ATAD5: variants seen among roughly 807,000 people sequenced by gnomAD.
The protein encoded by ATAD5 is ATPase family AAA domain-containing protein 5.
ATAD5 carries 58 observed loss-of-function variants against 176.9 expected under a neutral mutation model. That is an observed-to-expected ratio of 0.33 (90% confidence interval 0.27 to 0.41). The LOEUF is 0.41. Among genes scored for constraint, ATAD5 ranks in the 10% least tolerant of loss-of-function variants. The pLI is 1.00. For synonymous variants in ATAD5, 640 were observed against 712.6 expected (o/e 0.90, Z 1.62); for missense variants, 1,789 against 2,094.1 (o/e 0.85, Z 2.84).
At chr17:30,852,304 T>G (rs1907017142) in intron 6 of ATAD5, among the ~76,000 whole-genome samples, 1 of 152,230 alleles carries the variant, frequency 6.6e-6, no homozygotes, top group Non-Finnish European at 1.5e-5. Context: ...TCATAATTTA[T>G]GGAGCATTTC....
chr17:30,861,012 C>G (rs2142374346), intron 10 of ATAD5, among the ~76,000 whole-genome samples: 1 of 152,016 alleles, frequency 6.6e-6, no homozygotes, highest in South Asian at 2.1e-4. Context: ...ACGGAATTGG[C>G]CAGGCTGGTC....
intron 5 of ATAD5, among the ~76,000 whole-genome samples, chr17:30,844,495 A>G (rs1201520453): frequency 6.6e-6 from 1 of 151,626 alleles, no homozygotes; most frequent in African/African-American, 2.4e-5. Context: ...GTAAAATTTT[A>G]ACTGTATTAT....
At chr17:30,873,418 A>G (rs985989094) in intron 14 of ATAD5, among the ~76,000 whole-genome samples, 4 of 151,304 alleles carry the variant, frequency 2.6e-5, no homozygotes, top group Non-Finnish European at 5.9e-5. Context: ...CCCAGGTTCA[A>G]GTGATTCTCA....
At chr17:30,836,820 G>A (rs932562342) in intron 2 of ATAD5, among the ~76,000 whole-genome samples, 2 of 151,956 alleles carry the variant, frequency 1.3e-5, no homozygotes, top group Non-Finnish European at 2.9e-5. Context: ...TGCCTGCCTC[G>A]GCCTCCCAAA....
At chr17:30,886,327 A>G (rs1342858485) in intron 18 of ATAD5, among the ~76,000 whole-genome samples, 7 of 151,196 alleles carry the variant, frequency 4.6e-5, no homozygotes, top group Admixed American at 1.3e-4. Flanking sequence ...TCATCAGTGA[A>G]TTTATGAGTT....
At chr17:30,848,660 C>G (rs1906680034) in intron 6 of ATAD5, among the ~76,000 whole-genome samples, 1 of 152,188 alleles carries the variant, frequency 6.6e-6, no homozygotes, top group African/African-American at 2.4e-5. Context: ...TTGCCTGCCT[C>G]AGACTTGTCA....
intron 5 of ATAD5, 80 bp from the exon 6 acceptor site, chr17:30,844,747 CAAAAAAAA>C (rs569986111): frequency 1.9e-4 from 65 of 346,938 alleles, no homozygotes; most frequent in African/African-American, 1.2e-3. Flanking sequence ...GACTCCATCT[CAAAAAAAA>C]AAAAAAAAAA....
chr17:30,876,045 G>A (rs1472632769), intron 14 of ATAD5, among the ~76,000 whole-genome samples: 1 of 151,670 alleles, frequency 6.6e-6, no homozygotes, highest in Non-Finnish European at 1.5e-5. Flanking sequence ...GCTGAGGCAG[G>A]AGAATGGCGT....
chr17:30,892,894 A>G, intron 20 of ATAD5, 106 bp downstream of exon 20: 2 of 1,001,052 alleles, frequency 2.0e-6, no homozygotes, highest in East Asian at 5.1e-5. Flanking sequence ...ATGTGCCTAT[A>G]ATTTGTATAA....
intron 4 of ATAD5, among the ~76,000 whole-genome samples, chr17:30,841,170 C>T (rs532612484): frequency 4.6e-5 from 7 of 152,102 alleles, no homozygotes; most frequent in South Asian, 2.1e-4. Flanking sequence ...CCACCATGCC[C>T]GGCCAGTTTT....
chr17:30,842,196 G>A (rs1347401774), intron 4 of ATAD5, among the ~76,000 whole-genome samples: 1 of 152,018 alleles, frequency 6.6e-6, no homozygotes. Flanking sequence ...TTGAACCCGG[G>A]AGGCGGAGGT....
At chr17:30,850,847 ATATATATATATATATATATATATTTTT>A (rs1567683517) in intron 6 of ATAD5, among the ~76,000 whole-genome samples, 12 of 31,396 alleles carry the variant, frequency 3.8e-4, no homozygotes, top group Non-Finnish European at 5.5e-4. Context: ...ATATATATAT[ATATATATATATATATATATATATTTTT>A]TTTTTTTTTT....
At chr17:30,837,424 AT>A in intron 3 of ATAD5, 110 bp downstream of exon 3, 1 of 711,742 alleles carries the variant, frequency 1.4e-6, no homozygotes, top group South Asian at 1.8e-5. Context: ...AAATTCATGT[AT>A]TTCATAAATT....
intron 6 of ATAD5, among the ~76,000 whole-genome samples, chr17:30,847,538 G>A (rs1353045475): frequency 1.3e-5 from 2 of 151,212 alleles, no homozygotes; most frequent in Non-Finnish European, 2.9e-5. Context: ...CACTATGTTG[G>A]CCAGGCTGGT....
At chr17:30,866,462 C>G (rs1294023965) in intron 11 of ATAD5, among the ~76,000 whole-genome samples, 1 of 149,222 alleles carries the variant, frequency 6.7e-6, no homozygotes, top group African/African-American at 2.4e-5. Flanking sequence ...TCCTAAAGTG[C>G]TGGGATTACA....
At position 30,895,782 on chromosome 17, in the gene ATAD5, A is replaced by G. The variant is rs1038007577; in HGVS notation, c.*869A>G. 5.3e-5 allele frequency: 8 copies of G among 151,976 alleles called. No individual in the cohort carries two copies. Among genetic ancestry groups the G allele is most frequent in the African/African-American group, 1.9e-4 (8 of 41,382 alleles). 9.4% of individuals were successfully genotyped at this position (151,976 alleles called of 1,614,324 possible). On this transcript the variant is annotated 3_prime_UTR_variant, in exon 23 of 23. Coordinates refer to ENST00000321990, the MANE Select transcript of ATAD5 (RefSeq NM_024857.5). ...ATGAAGATAGATATTTTTACCTCTT[A>G]TTTGTTCAATTTACTTTTTCTTGTA... is the stretch of plus-strand genomic sequence containing the variant.
At chr17:30,836,592 G>A (rs1056749687) in intron 2 of ATAD5, among the ~76,000 whole-genome samples, 1 of 151,536 alleles carries the variant, frequency 6.6e-6, no homozygotes, top group African/African-American at 2.4e-5. Context: ...TTGAGATGGA[G>A]TCTCACTCAC....
At position 30,879,401 on chromosome 17, in the gene ATAD5, TTG is replaced by T. The variant is rs529546366; in HGVS notation, c.4013-4_4013-3del. ...CTTAGTGTTTAAGAATTTTTTTTTT[TTG>T]TGTGTGTGTGTGTGTGTAGACCCAA... On this transcript the variant is annotated intron_variant, in intron 17 of 22. Coordinates refer to ENST00000321990, the MANE Select transcript of ATAD5 (RefSeq NM_024857.5). 2.4e-3 allele frequency: 3,115 copies of T among 1,306,024 alleles called. 14 individuals carry two copies. Among genetic ancestry groups the T allele is most frequent in the Admixed American group, 6.1e-3 (280 of 46,208 alleles). The allele number at this position is 1,306,024 out of a possible 1,614,324, so 80.9% of individuals were successfully genotyped here.
Position 30,835,372 on chromosome 17 carries a change from GA to G in ATAD5, c.1296del (p.Lys432AsnfsTer6). 6.2e-7 allele frequency: 1 copy of G among 1,611,042 alleles called. No individual in the cohort carries two copies. Among genetic ancestry groups the G allele is most frequent in the Non-Finnish European group, 8.5e-7 (1 of 1,179,124 alleles). ...TTCTGATAAGCAGAAAGACCTTAAT[GA>G]AAAATGTCTATATGAAGTAGGAAGA... ...KSSDKQKDLN[E>X]KCLYEVGRDD... On this transcript the variant is annotated frameshift_variant, in exon 2 of 23. Transcript: ENST00000321990. LOFTEE classifies it high-confidence loss of function.
Sources: allele counts gnomAD v4.1 joint callset (sites outside exome capture counted in the v4.1 genomes callset), GRCh38; gene constraint gnomAD v4.1.1; transcripts MANE v1.5; gene names NCBI Gene and HGNC (gene_info 2026-07-23, HGNC 2026-07-21).